Variants in SCD5 observed in about 807,000 individuals in gnomAD.
SCD5 encodes the protein acyl-CoA-desaturase 4.
Under a neutral mutation model 30.4 loss-of-function variants are expected in SCD5, and 20 were observed. The observed-to-expected ratio is 0.66, with a 90% CI of 0.46 to 0.96. SCD5 has a LOEUF of 0.96. SCD5 is among the 40% of genes least tolerant of loss of function. The probability of loss-of-function intolerance (pLI) is 0.00; values close to 1 mark genes in which losing one functional copy is unlikely to be tolerated. For missense variants in SCD5, 381 were observed against 443.3 expected, an observed-to-expected ratio of 0.86 and a Z score of 1.26; for synonymous variants, 173 against 176.4, an observed-to-expected ratio of 0.98 and a Z score of 0.16.
intron 1 of SCD5, among the ~76,000 whole-genome samples, chr4:82,754,573 G>A (rs1164662841): frequency 6.7e-6 from 1 of 150,276 alleles, no homozygotes; most frequent in African/African-American, 2.5e-5. Context: ...GAGGAAACCT[G>A]CTCAGTGCTG....
At chr4:82,701,438 A>G (rs898543266) in intron 2 of SCD5, among the ~76,000 whole-genome samples, 1 of 152,152 alleles carries the variant, frequency 6.6e-6, no homozygotes, top group South Asian at 2.1e-4. Flanking sequence ...TAGTCCAACT[A>G]TATCAATAAT....
chr4:82,699,575 T>C (rs1159807219), intron 2 of SCD5, among the ~76,000 whole-genome samples: 1 of 138,568 alleles, frequency 7.2e-6, no homozygotes, highest in East Asian at 2.0e-4. Flanking sequence ...TTTTTGTTTT[T>C]TTTTTTTTTT....
At chr4:82,701,454 T>A (rs184081575) in intron 2 of SCD5, among the ~76,000 whole-genome samples, 93 of 152,254 alleles carry the variant, frequency 6.1e-4, no homozygotes, top group Non-Finnish European at 5.1e-4. Flanking sequence ...ATAATTACTT[T>A]AAGTGTGAAT....
At chr4:82,693,342 T>G (rs1249194469) in intron 2 of SCD5, among the ~76,000 whole-genome samples, 1 of 152,114 alleles carries the variant, frequency 6.6e-6, no homozygotes, top group Non-Finnish European at 1.5e-5. Flanking sequence ...TTTCCCTAAT[T>G]ATCCCTCACC....
chr4:82,640,435 C>T (rs1461770444), intron 3 of SCD5, among the ~76,000 whole-genome samples: 1 of 152,196 alleles, frequency 6.6e-6, no homozygotes, highest in Admixed American at 6.5e-5. Context: ...CTGCAGAGAT[C>T]TACTTCTGGG....
intron 2 of SCD5, among the ~76,000 whole-genome samples, chr4:82,701,186 T>G (rs1185807179): frequency 6.6e-6 from 1 of 152,240 alleles, no homozygotes; most frequent in Non-Finnish European, 1.5e-5. Context: ...GGGTTTCGAT[T>G]AGTTGTAAAT....
intron 2 of SCD5, among the ~76,000 whole-genome samples, chr4:82,688,171 A>C (rs1728751163): frequency 6.6e-6 from 1 of 152,258 alleles, no homozygotes; most frequent in Non-Finnish European, 1.5e-5. Context: ...ACTTGTATTC[A>C]TAACACATCT....
intron 3 of SCD5, among the ~76,000 whole-genome samples, chr4:82,659,122 A>G (rs183490860): frequency 6.8e-4 from 104 of 152,236 alleles, no homozygotes; most frequent in African/African-American, 2.5e-3. Context: ...TTATTTGTGT[A>G]GAGGTGTTTA....
intron 3 of SCD5, among the ~76,000 whole-genome samples, chr4:82,679,341 GT>G (rs1188033082): frequency 6.6e-6 from 1 of 151,946 alleles, no homozygotes; most frequent in Admixed American, 6.6e-5. Flanking sequence ...TTGATACTGG[GT>G]ATTTTCACCT....
chr4:82,698,163 A>T (rs1719736485), intron 2 of SCD5: 9 of 456,076 alleles, frequency 2.0e-5, no homozygotes, highest in Non-Finnish European at 3.5e-5. Context: ...TGTGCAGAAG[A>T]AAAGTTGTGC....
At chr4:82,734,459 G>A (rs1054271450) in intron 1 of SCD5, among the ~76,000 whole-genome samples, 1 of 152,154 alleles carries the variant, frequency 6.6e-6, no homozygotes, top group Admixed American at 6.5e-5. Flanking sequence ...GTGCAGCTCC[G>A]AGATGCAGTT....
intron 2 of SCD5, among the ~76,000 whole-genome samples, chr4:82,682,960 T>C (rs1196233515): frequency 6.6e-6 from 1 of 152,094 alleles, no homozygotes; most frequent in Non-Finnish European, 1.5e-5. Flanking sequence ...GGATTATAAA[T>C]GTGCGCCAAC....
chr4:82,728,742 A>G (rs1720562301), intron 1 of SCD5, among the ~76,000 whole-genome samples: 1 of 152,030 alleles, frequency 6.6e-6, no homozygotes, highest in South Asian at 2.1e-4. Flanking sequence ...TAAAAACCCT[A>G]ATCTCCAAGC....
chr4:82,746,257 T>C (rs1414418466), intron 1 of SCD5, among the ~76,000 whole-genome samples: 1 of 152,094 alleles, frequency 6.6e-6, no homozygotes, highest in Non-Finnish European at 1.5e-5. Context: ...TGCAGGAAAA[T>C]GGGAACCAGA....
intron 1 of SCD5, among the ~76,000 whole-genome samples, chr4:82,760,288 C>T (rs528549079): frequency 1.2e-4 from 18 of 152,250 alleles, no homozygotes; most frequent in African/African-American, 3.6e-4. Context: ...CCATCCATGC[C>T]CTGAACCCTT....
intron 2 of SCD5, among the ~76,000 whole-genome samples, chr4:82,681,731 C>T (rs752701854): frequency 7.2e-5 from 11 of 152,038 alleles, no homozygotes; most frequent in African/African-American, 2.2e-4. Flanking sequence ...CCCCATGACA[C>T]GTTTACCTAC....
At chr4:82,760,891 C>T (rs1248165904) in intron 1 of SCD5, among the ~76,000 whole-genome samples, 1 of 152,220 alleles carries the variant, frequency 6.6e-6, no homozygotes, top group Non-Finnish European at 1.5e-5. Flanking sequence ...CTTTTTATAA[C>T]TTCAACACCT....
chr4:82,798,275 C>T (rs1414245232), intron 1 of SCD5, 31 bp downstream of exon 1: 1 of 1,534,578 alleles, frequency 6.5e-7, no homozygotes, highest in Non-Finnish European at 8.8e-7. Context: ...GCCACGGAGG[C>T]CGGGGCGCAG....
intron 2 of SCD5, among the ~76,000 whole-genome samples, chr4:82,684,753 C>G (rs538868201): frequency 6.6e-6 from 1 of 152,302 alleles, no homozygotes; most frequent in East Asian, 1.9e-4. Context: ...CTGATAATCT[C>G]TCTTCCTCTT....
Sources: gnomAD v4.1 joint callset for allele counts (sites outside exome capture counted in the v4.1 genomes callset) on GRCh38, gnomAD v4.1.1 for gene constraint, MANE v1.5 for transcripts, NCBI Gene and HGNC (gene_info 2026-07-23, HGNC 2026-07-21) for gene names.